Variants in STK32B observed in about 807,000 individuals in gnomAD.
STK32B encodes the protein serine/threonine kinase 32B.
Under a neutral mutation model 52.6 loss-of-function variants are expected in STK32B, and 43 were observed. The ratio of observed to expected loss-of-function variants is 0.82; its 90% CI spans 0.64 to 1.05. STK32B has a LOEUF of 1.05. Among genes scored for constraint, STK32B ranks in the 50% least tolerant of loss-of-function variants. STK32B has a pLI of 0.00. For missense variants in STK32B, 621 were observed against 534.6 expected, an observed-to-expected ratio of 1.16 and a Z score of -1.59; for synonymous variants, 238 against 204.3, an observed-to-expected ratio of 1.17 and a Z score of -1.41.
chr4:5,164,657 TA>T (rs1718731988), intron 2 of STK32B, among the ~76,000 whole-genome samples: 2 of 152,134 alleles, frequency 1.3e-5, no homozygotes, highest in African/African-American at 2.4e-5. Flanking sequence ...CTTTACACTG[TA>T]TTATCACAGG....
intron 4 of STK32B, among the ~76,000 whole-genome samples, chr4:5,354,722 A>G (rs1734062156): frequency 6.6e-6 from 1 of 152,254 alleles, no homozygotes; most frequent in African/African-American, 2.4e-5. Context: ...TAGAAATGAT[A>G]AATACTCAAG....
intron 2 of STK32B, among the ~76,000 whole-genome samples, chr4:5,158,656 G>C (rs1007486208): frequency 6.6e-6 from 1 of 152,096 alleles, no homozygotes; most frequent in Admixed American, 6.5e-5. Flanking sequence ...TCACAGTTCC[G>C]GAGGCTGAAG....
chr4:5,285,360 T>C (rs564213194), intron 3 of STK32B, among the ~76,000 whole-genome samples: 12 of 152,264 alleles, frequency 7.9e-5, no homozygotes, highest in African/African-American at 1.4e-4. Context: ...ACAATAGTTA[T>C]AAACATTCTG....
chr4:5,172,641 G>C (rs1156411165), intron 3 of STK32B, among the ~76,000 whole-genome samples: 3 of 151,454 alleles, frequency 2.0e-5, no homozygotes, highest in African/African-American at 7.3e-5. Context: ...AACTAGCCTT[G>C]CATCCCAGGG....
chr4:5,083,719 T>C (rs1577057014), intron 1 of STK32B, among the ~76,000 whole-genome samples: 2 of 151,514 alleles, frequency 1.3e-5, no homozygotes, highest in Non-Finnish European at 2.9e-5. Context: ...TCCTTAGATA[T>C]AGACTGCTCT....
chr4:5,170,949 C>G, intron 3 of STK32B, among the ~76,000 whole-genome samples: 1 of 152,192 alleles, frequency 6.6e-6, no homozygotes, highest in Admixed American at 6.5e-5. Flanking sequence ...CCTATTTCTC[C>G]ACATCCTCTC....
chr4:5,492,887 T>C (rs1719868325), intron 11 of STK32B, among the ~76,000 whole-genome samples: 1 of 150,974 alleles, frequency 6.6e-6, no homozygotes, highest in Non-Finnish European at 1.5e-5. Flanking sequence ...TTTATTGATT[T>C]GCGTATATTG....
chr4:5,311,914 A>ATATATATATATAT (rs143725868), intron 3 of STK32B, among the ~76,000 whole-genome samples: 1 of 145,410 alleles, frequency 6.9e-6, no homozygotes, highest in African/African-American at 2.6e-5. Context: ...ATATATATAT[A>ATATATATATATAT]TTTTTTTTTA....
chr4:5,186,814 C>T (rs1720778683), intron 3 of STK32B, among the ~76,000 whole-genome samples: 1 of 152,192 alleles, frequency 6.6e-6, no homozygotes, highest in Non-Finnish European at 1.5e-5. Flanking sequence ...TTGACTGTTC[C>T]AGCATTTGTA....
At chr4:5,428,829 C>A (rs1040949804) in intron 6 of STK32B, among the ~76,000 whole-genome samples, 1 of 152,040 alleles carries the variant, frequency 6.6e-6, no homozygotes, top group South Asian at 2.1e-4. Context: ...GATAAATTGC[C>A]CCATTTATCA....
intron 7 of STK32B, among the ~76,000 whole-genome samples, chr4:5,451,893 C>T (rs1468904704): frequency 6.6e-6 from 1 of 152,136 alleles, no homozygotes; most frequent in Non-Finnish European, 1.5e-5. Flanking sequence ...TGCATTGCAC[C>T]CCCATGGAGT....
At chr4:5,240,804 T>G (rs910577827) in intron 3 of STK32B, among the ~76,000 whole-genome samples, 4 of 152,152 alleles carry the variant, frequency 2.6e-5, no homozygotes, top group Non-Finnish European at 4.4e-5. Flanking sequence ...TGATTGTGCT[T>G]CTTTGTGTTT....
chr4:5,316,790 TATATTA>T (rs1730869494), intron 3 of STK32B, among the ~76,000 whole-genome samples: 1 of 54 alleles, frequency 0.019, no homozygotes, highest in Non-Finnish European at 0.025. Flanking sequence ...ATTATACATA[TATATTA>T]TATATTATAT....
chr4:5,174,301 A>G (rs1318786067), intron 3 of STK32B, among the ~76,000 whole-genome samples: 1 of 152,146 alleles, frequency 6.6e-6, no homozygotes, highest in Non-Finnish European at 1.5e-5. Context: ...GCCCATTTAC[A>G]TTTAAGGTTA....
chr4:5,456,049 T>A (rs1716482893), intron 7 of STK32B, among the ~76,000 whole-genome samples: 1 of 151,650 alleles, frequency 6.6e-6, no homozygotes, highest in Admixed American at 6.6e-5. Context: ...TTCATGGGGG[T>A]TGGGGCAGGG....
chr4:5,489,724 G>A (rs1330024440), intron 11 of STK32B, among the ~76,000 whole-genome samples: 6 of 151,836 alleles, frequency 4.0e-5, no homozygotes, highest in Non-Finnish European at 7.4e-5. Flanking sequence ...AGGTTCAAGC[G>A]ATTCCCCTGC....
chr4:5,318,112 T>TGTGC (rs1178414284), intron 3 of STK32B, among the ~76,000 whole-genome samples: 1 of 152,102 alleles, frequency 6.6e-6, no homozygotes, highest in African/African-American at 2.4e-5. Context: ...CGTGTGTGTG[T>TGTGC]GTGTGTGCAC....
the STK32B span, among the ~76,000 whole-genome samples, chr4:5,026,344 G>A: frequency 6.6e-6 from 1 of 152,294 alleles, no homozygotes; most frequent in Admixed American, 6.5e-5. Context: ...CCAATCCCAA[G>A]ACTGGGTAAT....
intron 4 of STK32B, among the ~76,000 whole-genome samples, chr4:5,339,266 C>T (rs759386107): frequency 6.6e-6 from 1 of 152,088 alleles, no homozygotes; most frequent in Non-Finnish European, 1.5e-5. Context: ...CCACGGGAGC[C>T]GATTCCCATG....
Sources: gnomAD v4.1 joint callset for allele counts (sites outside exome capture counted in the v4.1 genomes callset) on GRCh38, gnomAD v4.1.1 for gene constraint, MANE v1.5 for transcripts, NCBI Gene and HGNC (gene_info 2026-07-23, HGNC 2026-07-21) for gene names.